Variants in ANKFN1 observed in about 807,000 individuals in gnomAD.
ANKFN1 encodes the protein ankyrin repeat and fibronectin type III domain containing 1.
In ANKFN1, 74 loss-of-function variants were observed where a neutral mutation model predicts 108.7. That is an observed-to-expected ratio of 0.68 (90% CI 0.56 to 0.83). ANKFN1 has a LOEUF of 0.83. Ranked by LOEUF, ANKFN1 falls within the 40% of genes least tolerant of loss-of-function variation. The pLI is 0.00. For missense variants in ANKFN1, 1,505 were observed against 1,382.3 expected (o/e 1.09, Z -1.41); for synonymous variants, 547 against 516.2 (o/e 1.06, Z -0.81).
chr17:56,120,903 C>G (rs919812808), intron 4 of ANKFN1, among the ~76,000 whole-genome samples: 1 of 152,120 alleles, frequency 6.6e-6, no homozygotes, highest in Non-Finnish European at 1.5e-5. Flanking sequence ...TGCCCCATAC[C>G]ACCAACTCTA....
chr17:56,228,659 T>C (rs1916473307), intron 3 of ANKFN1: 1 of 152,088 alleles, frequency 6.6e-6, no homozygotes, highest in Non-Finnish European at 1.5e-5. Context: ...TCTGGTGTAA[T>C]TTAATAATAT....
chr17:56,048,201 T>A (rs913539514), intron 4 of ANKFN1, among the ~76,000 whole-genome samples: 1 of 152,246 alleles, frequency 6.6e-6, no homozygotes, highest in Non-Finnish European at 1.5e-5. Context: ...GATATGGATA[T>A]GCTGTAATCT....
intron 3 of ANKFN1, among the ~76,000 whole-genome samples, chr17:56,230,537 G>A (rs886257898): frequency 1.3e-5 from 2 of 152,002 alleles, no homozygotes; most frequent in African/African-American, 4.8e-5. Context: ...GCAAGCTTTG[G>A]GCCTTCAAAT....
At chr17:56,345,294 G>T (rs1406988578) in intron 4 of ANKFN1, among the ~76,000 whole-genome samples, 1 of 152,108 alleles carries the variant, frequency 6.6e-6, no homozygotes, top group East Asian at 1.9e-4. Flanking sequence ...GCCTATCATT[G>T]ATGGGCATTT....
intron 4 of ANKFN1, among the ~76,000 whole-genome samples, chr17:56,114,098 C>T (rs1363728455): frequency 1.3e-5 from 2 of 152,176 alleles, no homozygotes; most frequent in African/African-American, 4.8e-5. Flanking sequence ...ATCTGTGCCT[C>T]CAACTGCAAG....
intron 3 of ANKFN1, among the ~76,000 whole-genome samples, chr17:56,279,466 TCAGA>T (rs1207455433): frequency 2.6e-5 from 4 of 152,238 alleles, no homozygotes; most frequent in African/African-American, 9.6e-5. Context: ...TAGAGCTTCT[TCAGA>T]CAGTCTTTTG....
At chr17:56,196,444 T>C (rs972798258) in intron 1 of ANKFN1, among the ~76,000 whole-genome samples, 3 of 152,078 alleles carry the variant, frequency 2.0e-5, no homozygotes, top group African/African-American at 7.2e-5. Flanking sequence ...CTTTCAATCC[T>C]GAGAAAGGGC....
intron 1 of ANKFN1, among the ~76,000 whole-genome samples, chr17:56,208,374 C>A (rs902414023): frequency 3.3e-5 from 5 of 152,156 alleles, no homozygotes; most frequent in Non-Finnish European, 5.9e-5. Flanking sequence ...CTAGATAATT[C>A]TTTGTTGTAT....
Position 56,510,839 on chromosome 17 carries a change from A to C in ANKFN1, c.3011A>C (p.Lys1004Thr), listed in dbSNP as rs1196256700. The change falls in exon 21 of 21, where the codon AAG becomes ACG. Residue 1004 changes from lysine (K) to threonine (T), a missense_variant. Coordinates refer to ENST00000682825, the MANE Select transcript of ANKFN1 (RefSeq NM_001370326.1). ...LGFLGKRKPG[K>T]HPHYGGFSRH... is the part of the protein sequence containing the mutation. ...TTCCTGGGAAAGCGGAAGCCAGGCA[A>C]GCACCCCCACTATGGCGGCTTCAGC... 1 of 1,536,164 alleles carries C rather than the reference A, an allele frequency of 6.5e-7. No homozygotes were observed. Among genetic ancestry groups the C allele is most frequent in the Non-Finnish European group, 8.7e-7 (1 of 1,146,918 alleles).
At chr17:56,210,281 G>C (rs1257772840) in intron 1 of ANKFN1, among the ~76,000 whole-genome samples, 1 of 152,174 alleles carries the variant, frequency 6.6e-6, no homozygotes, top group Non-Finnish European at 1.5e-5. Flanking sequence ...GATCGGGATG[G>C]TTTATTGACT....
At chr17:56,443,038 T>C in intron 10 of ANKFN1, 105 bp downstream of exon 10, 1 of 1,070,220 alleles carries the variant, frequency 9.3e-7, no homozygotes, top group Non-Finnish European at 1.4e-6. Flanking sequence ...TTGCAACCCA[T>C]AAGACCTTCT....
chr17:56,151,493 G>C (rs1213190490), upstream of ANKFN1, among the ~76,000 whole-genome samples: 1 of 152,150 alleles, frequency 6.6e-6, no homozygotes, highest in Non-Finnish European at 1.5e-5. Flanking sequence ...TGGTAGAGTG[G>C]AGAAAGTGCT....
At chr17:56,286,145 C>T (rs1475203149) in intron 3 of ANKFN1, among the ~76,000 whole-genome samples, 4 of 152,120 alleles carry the variant, frequency 2.6e-5, no homozygotes, top group Non-Finnish European at 5.9e-5. Flanking sequence ...TTGGCCTAGA[C>T]TCAACATCTC....
intron 4 of ANKFN1, among the ~76,000 whole-genome samples, chr17:56,119,416 G>C (rs897453308): frequency 1.3e-5 from 2 of 152,134 alleles, no homozygotes; most frequent in South Asian, 2.1e-4. Context: ...AGGCCTGGCG[G>C]TTATTAGTGA....
chr17:56,391,279 ATG>A lies in ANKFN1; in HGVS notation c.910+16567_910+16568del, dbSNP rs2047425260. 4.2e-5 allele frequency among the ~76,000 whole-genome samples: 6 copies of A among 142,268 alleles called. No individual in the cohort carries two copies. The South Asian group carries it at 9.0e-4, about 21-fold the overall frequency. 93.3% of individuals were successfully genotyped at this position (142,268 alleles called of 152,430 possible). A position where few individuals can be genotyped will look rare whatever the true frequency, so the allele number is the denominator to read the frequency against. ...TGTGTGTGTGTGTGTACATATATAT[ATG>A]TATATGTACACACACACACAGTCTC... On this transcript the variant is annotated intron_variant, in intron 8 of 20. Coordinates refer to ENST00000682825, the MANE Select transcript of ANKFN1 (RefSeq NM_001370326.1).
intron 14 of ANKFN1, among the ~76,000 whole-genome samples, chr17:56,459,546 C>T (rs1300032389): frequency 6.6e-6 from 1 of 152,196 alleles, no homozygotes; most frequent in Non-Finnish European, 1.5e-5. Context: ...CATGCCACTG[C>T]ACCTCACACT....
rs751053648 is a variant in ANKFN1, at chr17:56,515,788, A to G, written c.*4519A>G. On this transcript the variant is annotated 3_prime_UTR_variant, in exon 21 of 21. Transcript: ENST00000682825. Reference sequence around the variant, plus strand: ...TCCACTGCATCTGCACACAGTAGTTATATTTGTTTTTTCAATTATTTCTTC... The same window carrying G: ...TCCACTGCATCTGCACACAGTAGTTGTATTTGTTTTTTCAATTATTTCTTC... 6.6e-6 allele frequency among the ~76,000 whole-genome samples: 1 copy of G among 152,160 alleles called. No homozygotes were observed. The highest frequency in any genetic ancestry group is 1.5e-5 in the Non-Finnish European group (1 of 68,018).
chr17:56,166,276 G>C (rs1357933472), intron 1 of ANKFN1, among the ~76,000 whole-genome samples: 14 of 152,188 alleles, frequency 9.2e-5, no homozygotes, highest in Admixed American at 9.2e-4. Flanking sequence ...AATGTGAAAT[G>C]AATGAAGTGA....
intron 1 of ANKFN1, among the ~76,000 whole-genome samples, chr17:56,207,547 G>A (rs567854393): frequency 6.6e-6 from 1 of 152,244 alleles, no homozygotes; most frequent in African/African-American, 2.4e-5. Flanking sequence ...CTACTTCATT[G>A]ATAGCCAGAA....
Sources: gnomAD v4.1 joint callset for allele counts (sites outside exome capture counted in the v4.1 genomes callset) on GRCh38, gnomAD v4.1.1 for gene constraint, MANE v1.5 for transcripts, NCBI Gene and HGNC (gene_info 2026-07-23, HGNC 2026-07-21) for gene names.